Variants in SLC7A14 observed in about 807,000 individuals in gnomAD.
The protein encoded by SLC7A14 is solute carrier family 7 member 14.
Under a neutral mutation model 60.2 loss-of-function variants are expected in SLC7A14, and 37 were observed. That is an observed-to-expected ratio of 0.61 (90% CI 0.47 to 0.81). The LOEUF is 0.81. Among genes scored for constraint, SLC7A14 ranks in the 30% least tolerant of loss-of-function variants. The probability of loss-of-function intolerance (pLI) is 0.00; values close to 1 mark genes in which losing one functional copy is unlikely to be tolerated. For missense variants in SLC7A14, 886 were observed against 982.7 expected (o/e 0.90, Z 1.32); for synonymous variants, 399 against 395.8 (o/e 1.01, Z -0.10).
intron 1 of SLC7A14, among the ~76,000 whole-genome samples, chr3:170,547,095 AAGAT>A (rs1360881947): frequency 6.6e-6 from 1 of 152,042 alleles, no homozygotes; most frequent in East Asian, 1.9e-4. Context: ...ATGGAGATGT[AAGAT>A]TGTCAAGACA....
chr3:170,485,964 G>T (rs930934240), intron 5 of SLC7A14, among the ~76,000 whole-genome samples: 1 of 152,176 alleles, frequency 6.6e-6, no homozygotes, highest in African/African-American at 2.4e-5. Flanking sequence ...AGCCCCTGGG[G>T]CAGCAGCAGA....
intron 4 of SLC7A14, chr3:170,496,225 C>T: frequency 2.2e-6 from 2 of 923,826 alleles, no homozygotes; most frequent in Non-Finnish European, 3.6e-6. Flanking sequence ...GAGGTCAAGG[C>T]ACAGTAGGAG....
chr3:170,547,900 G>C (rs1264407086), intron 1 of SLC7A14, among the ~76,000 whole-genome samples: 2 of 151,992 alleles, frequency 1.3e-5, no homozygotes, highest in Admixed American at 1.3e-4. Flanking sequence ...TTTCTCATAA[G>C]CAATGCTACG....
intron 6 of SLC7A14, among the ~76,000 whole-genome samples, chr3:170,481,934 T>C (rs1711843068): frequency 6.6e-6 from 1 of 152,302 alleles, no homozygotes; most frequent in East Asian, 1.9e-4. Flanking sequence ...TTCTCAGGTT[T>C]CACCCAATAA....
intron 7 of SLC7A14, among the ~76,000 whole-genome samples, chr3:170,468,259 AC>A (rs1021318853): frequency 7.2e-5 from 11 of 152,224 alleles, no homozygotes; most frequent in Admixed American, 7.2e-4. Context: ...GATTTAAAAA[AC>A]ATGCATAAAA....
chr3:170,495,518 G>A (rs1362927379), intron 4 of SLC7A14: 5 of 742,496 alleles, frequency 6.7e-6, no homozygotes, highest in African/African-American at 3.5e-5. Context: ...GCTTTTACAC[G>A]AATGGGCCTG....
intron 1 of SLC7A14, among the ~76,000 whole-genome samples, chr3:170,566,138 G>T (rs1051565347): frequency 1.3e-5 from 2 of 152,148 alleles, no homozygotes; most frequent in Non-Finnish European, 2.9e-5. Context: ...ACACAGTGAG[G>T]GAGGGATGTG....
intron 2 of SLC7A14, among the ~76,000 whole-genome samples, chr3:170,512,391 T>C (rs990863035): frequency 6.6e-6 from 1 of 152,004 alleles, no homozygotes; most frequent in Admixed American, 6.5e-5. Flanking sequence ...CCCAAAGACA[T>C]GAGAGACCCT....
intron 4 of SLC7A14, among the ~76,000 whole-genome samples, chr3:170,492,882 C>A (rs924477454): frequency 3.9e-5 from 6 of 152,166 alleles, no homozygotes; most frequent in Non-Finnish European, 7.3e-5. Flanking sequence ...CTTTTCACAG[C>A]ATTTTCTACC....
Position 170,472,822 on chromosome 3 carries a change from G to GCTTT in SLC7A14, c.1994-5449_1994-5446dup, listed in dbSNP as rs1553864451. Among the ~76,000 whole-genome samples, 84 of 152,154 alleles carry GCTTT rather than the reference G, an allele frequency of 5.5e-4. 1 individual carries two copies. The Middle Eastern group carries it at 0.01, about 18-fold the overall frequency. On this transcript the variant is annotated intron_variant, in intron 7 of 7. Transcript: ENST00000231706. ...AGTGACGGGAAATATTCAAAGGGAG[G>GCTTT]CTTTGGCTTCTTTTCTAGACAGAAG...
In SLC7A14 at chr3:170,564,098, G is replaced by A. The variant is rs569324294; in HGVS notation, c.-153+21813C>T. 2.8e-4 allele frequency among the ~76,000 whole-genome samples: 42 copies of A among 152,322 alleles called. 1 individual carries two copies. The highest frequency in any genetic ancestry group is 1.2e-3 in the South Asian group (6 of 4,830). ...CTTTAAACCCATGTGTGACAAGTAT[G>A]GAGCACAGATCCTCTCTCCAGTGTC... is the stretch of plus-strand genomic sequence containing the variant. On this transcript the variant is annotated intron_variant, in intron 1 of 7. Coordinates refer to ENST00000231706, the MANE Select transcript of SLC7A14 (RefSeq NM_020949.3).
chr3:170,545,679 G>A (rs1398269695), intron 1 of SLC7A14, among the ~76,000 whole-genome samples: 2 of 152,106 alleles, frequency 1.3e-5, no homozygotes, highest in African/African-American at 4.8e-5. Context: ...TTTGGCTAAA[G>A]GTCCTAAAGT....
At chr3:170,481,724 T>G (rs967935993) in intron 6 of SLC7A14, among the ~76,000 whole-genome samples, 1 of 152,148 alleles carries the variant, frequency 6.6e-6, no homozygotes, top group South Asian at 2.1e-4. Context: ...TAAGGCAAAG[T>G]TCTTTAGTAA....
chr3:170,556,524 T>C (rs978189352), intron 1 of SLC7A14, among the ~76,000 whole-genome samples: 1 of 152,090 alleles, frequency 6.6e-6, no homozygotes, highest in Non-Finnish European at 1.5e-5. Context: ...CTTGTAATAA[T>C]AGTAGGGTTT....
At chr3:170,497,437 C>G (rs910399546) in intron 4 of SLC7A14, among the ~76,000 whole-genome samples, 1 of 125,846 alleles carries the variant, frequency 7.9e-6, no homozygotes, top group African/African-American at 4.1e-5. Context: ...TGGCGTGGTT[C>G]GGAATAAACA....
intron 1 of SLC7A14, among the ~76,000 whole-genome samples, chr3:170,578,235 A>G (rs553189260): frequency 1.7e-4 from 26 of 152,388 alleles, no homozygotes; most frequent in Non-Finnish European, 3.2e-4. Context: ...AGCCACCTGC[A>G]CAGCACCAAC....
At chr3:170,582,803 G>A (rs1275439923) in intron 1 of SLC7A14, among the ~76,000 whole-genome samples, 1 of 152,148 alleles carries the variant, frequency 6.6e-6, no homozygotes, top group Non-Finnish European at 1.5e-5. Context: ...TTTTGGAGCA[G>A]GATGGAACTA....
intron 2 of SLC7A14, among the ~76,000 whole-genome samples, chr3:170,523,406 A>G (rs759456597): frequency 4.6e-5 from 7 of 152,194 alleles, no homozygotes; most frequent in Non-Finnish European, 8.8e-5. Context: ...GACCTGATTG[A>G]CAATTCCAAT....
intron 1 of SLC7A14, among the ~76,000 whole-genome samples, chr3:170,555,355 C>T (rs1299837328): frequency 6.6e-6 from 1 of 152,034 alleles, no homozygotes; most frequent in Non-Finnish European, 1.5e-5. Context: ...AAATTATGTT[C>T]AATCTGTATA....
Sources: gnomAD v4.1 joint callset for allele counts (sites outside exome capture counted in the v4.1 genomes callset) on GRCh38, gnomAD v4.1.1 for gene constraint, MANE v1.5 for transcripts, NCBI Gene and HGNC (gene_info 2026-07-23, HGNC 2026-07-21) for gene names.